The following SHISA6 variants were observed in gnomAD, a reference collection of about 807,000 sequenced individuals.
SHISA6 encodes the protein protein shisa-6.
A neutral mutation model predicts 47.9 loss-of-function variants in SHISA6; 22 were observed. That is an observed-to-expected ratio of 0.46 (90% CI 0.33 to 0.66). The LOEUF is 0.66. Ranked by LOEUF, SHISA6 falls within the 30% of genes least tolerant of loss-of-function variation. The pLI is 0.02. For synonymous variants in SHISA6, 388 were observed against 337.8 expected (o/e 1.15, Z -1.63); for missense variants, 680 against 764.6 (o/e 0.89, Z 1.30).
At chr17:11,437,053 A>C (rs1914961431) in intron 3 of SHISA6, among the ~76,000 whole-genome samples, 1 of 152,218 alleles carries the variant, frequency 6.6e-6, no homozygotes, top group Admixed American at 6.5e-5. Flanking sequence ...GGGTGCAGAA[A>C]GCTTATTCCA....
chr17:11,500,634 G>A (rs370543793), intron 3 of SHISA6, among the ~76,000 whole-genome samples: 5 of 152,276 alleles, frequency 3.3e-5, no homozygotes, highest in South Asian at 2.1e-4. Context: ...AGCAATCTCC[G>A]CTAACAAATA....
At chr17:11,399,579 A>G (rs7211484) in intron 3 of SHISA6, among the ~76,000 whole-genome samples, 7,055 of 152,024 alleles carry the variant, frequency 0.046, 497 homozygotes, top group African/African-American at 0.15. Context: ...CTGCCACCAC[A>G]CCCAGCTAAT....
intron 1 of SHISA6, among the ~76,000 whole-genome samples, chr17:11,242,541 G>T (rs1907408900): frequency 6.6e-6 from 1 of 152,122 alleles, no homozygotes; most frequent in African/African-American, 2.4e-5. Flanking sequence ...TAGGAATTGG[G>T]GTTTTATAGA....
At position 11,343,750 on chromosome 17, in the gene SHISA6, A is replaced by G. The variant is rs145722036; in HGVS notation, c.800-35664A>G. Reference sequence around the variant, plus strand: ...GGTGAGTTGCTCTCCAGATACACCTATATGGAGTCATCCAGCTGCTATAGT... The same window carrying G: ...GGTGAGTTGCTCTCCAGATACACCTGTATGGAGTCATCCAGCTGCTATAGT... On this transcript the variant is annotated intron_variant, in intron 2 of 5. Coordinates refer to ENST00000441885, the MANE Select transcript of SHISA6 (RefSeq NM_207386.4). 8.2e-3 allele frequency among the ~76,000 whole-genome samples: 1,256 copies of G among 152,382 alleles called. 12 individuals are homozygous for G. Among genetic ancestry groups the G allele is most frequent in the African/African-American group, 0.024 (986 of 41,596 alleles).
At chr17:11,528,613 A>G (rs2071706218) in intron 3 of SHISA6, among the ~76,000 whole-genome samples, 1 of 152,224 alleles carries the variant, frequency 6.6e-6, no homozygotes. Context: ...GCACTGAGAC[A>G]CAGACACTGG....
chr17:11,348,356 G>A (rs919400967), intron 2 of SHISA6, among the ~76,000 whole-genome samples: 2 of 152,152 alleles, frequency 1.3e-5, no homozygotes, highest in African/African-American at 4.8e-5. Flanking sequence ...CCTGCAGATC[G>A]TGAGTGATGT....
At chr17:11,450,304 G>T (rs1018502535) in intron 3 of SHISA6, among the ~76,000 whole-genome samples, 1 of 152,172 alleles carries the variant, frequency 6.6e-6, no homozygotes, top group African/African-American at 2.4e-5. Flanking sequence ...CCCATTTTGA[G>T]TTACTGGGGG....
chr17:11,403,260 G>A (rs1192936337), intron 3 of SHISA6, among the ~76,000 whole-genome samples: 2 of 152,176 alleles, frequency 1.3e-5, no homozygotes, highest in Non-Finnish European at 2.9e-5. Context: ...ATTTGATAGG[G>A]GGAGGTTCAA....
Position 11,551,901 on chromosome 17 carries a change from C to T in SHISA6, c.901C>T (p.His301Tyr). The change falls in exon 4 of 6, where the codon CAT (histidine) becomes TAT (tyrosine). Residue 301 changes from histidine (H) to tyrosine (Y), a missense_variant. His to Tyr is a moderately conservative substitution (Grantham distance 83, BLOSUM62 2). Around this residue, in one of 2 missense-constraint regions of SHISA6, gnomAD observed 559 missense variants for 674.1 expected, o/e 0.83. Coordinates refer to ENST00000441885, the MANE Select transcript of SHISA6 (RefSeq NM_207386.4). Reference protein sequence around the residue: ...TLGRGHTKGDHQYNHPILSSV... With the variant: ...TLGRGHTKGDYQYNHPILSSV... ...TTCTTTTCTATGATTTTCAGGTGATCATCAATATAACCATCCGATTTTGAG... is the reference window on the plus strand; with the variant it reads ...TTCTTTTCTATGATTTTCAGGTGATTATCAATATAACCATCCGATTTTGAG... 6.4e-7 allele frequency: 1 copy of T among 1,551,628 alleles called. No individual in the cohort carries two copies. The highest frequency in any genetic ancestry group is 2.4e-5 in the East Asian group (1 of 40,918).
At chr17:11,298,223 ATCTATG>A (rs1909814792) in intron 2 of SHISA6, among the ~76,000 whole-genome samples, 1 of 152,230 alleles carries the variant, frequency 6.6e-6, no homozygotes, top group East Asian at 1.9e-4. Context: ...TCATTCCAGC[ATCTATG>A]TACTTTACTT....
At chr17:11,460,020 C>T (rs1293507919) in intron 3 of SHISA6, among the ~76,000 whole-genome samples, 2 of 152,158 alleles carry the variant, frequency 1.3e-5, no homozygotes, top group African/African-American at 4.8e-5. Context: ...GTGGATTGGC[C>T]AACGTTAAGC....
chr17:11,533,267 A>T (rs2071752960), intron 3 of SHISA6, among the ~76,000 whole-genome samples: 1 of 152,106 alleles, frequency 6.6e-6, no homozygotes, highest in African/African-American at 2.4e-5. Flanking sequence ...TTGTCAACGC[A>T]TTTCCCTTCT....
chr17:11,349,456 T>A (rs546588859), intron 2 of SHISA6, among the ~76,000 whole-genome samples: 102 of 152,296 alleles, frequency 6.7e-4, no homozygotes, highest in African/African-American at 2.5e-3. Context: ...TTAGCAGAAG[T>A]CCATTGAGTC....
rs1340954675 is a variant in SHISA6, at chr17:11,241,517, A to G, written c.95A>G (p.Asn32Ser). Residue 32 changes from asparagine to serine, a missense_variant, in exon 1 of 6, where the codon AAC becomes AGC. Physicochemically the swap from Asn to Ser is conservative, Grantham distance 46. This residue lies in a region of SHISA6 where 121 missense variants were observed against 90.5 expected (regional missense o/e 1.34). Transcript: ENST00000441885. The surrounding 1 kb of genome is among the most constrained non-coding windows in gnomAD (Gnocchi z 5.5). ...SVHGARGRAANRTLSAGGAAV... is the reference protein window; with the variant it reads ...SVHGARGRAASRTLSAGGAAV... ...CACGGAGCCCGCGGCCGCGCCGCCA[A>G]CCGGACCCTGAGTGCAGGCGGCGCT... 19 of 1,138,472 alleles carry G rather than the reference A, an allele frequency of 1.7e-5. No individual in the cohort carries two copies. The highest frequency in any genetic ancestry group is 3.4e-5 in the African/African-American group (2 of 59,374). The allele number at this position is 1,138,472 out of a possible 1,614,324, so 70.5% of individuals were successfully genotyped here.
chr17:11,531,421 GATAA>G (rs2071732266), intron 3 of SHISA6, among the ~76,000 whole-genome samples: 1 of 152,072 alleles, frequency 6.6e-6, no homozygotes, highest in African/African-American at 2.4e-5. Flanking sequence ...AATTAGTACT[GATAA>G]ACAAAGAAAC....
intron 3 of SHISA6, among the ~76,000 whole-genome samples, chr17:11,481,308 G>A (rs1178217249): frequency 6.7e-6 from 1 of 149,512 alleles, no homozygotes; most frequent in African/African-American, 2.5e-5. Context: ...ACATATAACA[G>A]AGCGAGACAC....
intron 2 of SHISA6, among the ~76,000 whole-genome samples, chr17:11,300,999 G>A (rs570990659): frequency 2.6e-5 from 4 of 152,122 alleles, no homozygotes; most frequent in South Asian, 2.1e-4. Context: ...TACCAGTCAA[G>A]GGAAACACGT....
At chr17:11,245,349 G>A (rs567042503) in intron 1 of SHISA6, among the ~76,000 whole-genome samples, 8 of 152,156 alleles carry the variant, frequency 5.3e-5, no homozygotes, top group African/African-American at 1.4e-4. Flanking sequence ...CAAACTGCCC[G>A]GGCTAAGGCT....
chr17:11,344,113 A>G (rs1319292130), intron 2 of SHISA6, among the ~76,000 whole-genome samples: 2 of 152,096 alleles, frequency 1.3e-5, no homozygotes, highest in Non-Finnish European at 2.9e-5. Context: ...TTATTTGTCC[A>G]TTTGTGTATC....
Sources: allele counts gnomAD v4.1 joint callset (sites outside exome capture counted in the v4.1 genomes callset), GRCh38; gene constraint gnomAD v4.1.1; regional missense constraint gnomAD v4.1.1; non-coding constraint Gnocchi (gnomAD v3.1); transcripts MANE v1.5; gene names NCBI Gene and HGNC (gene_info 2026-07-23, HGNC 2026-07-21).